The following SLC26A7 variants were observed in gnomAD, a reference collection of about 807,000 sequenced individuals.
SLC26A7 encodes anion exchange transporter.
A neutral mutation model predicts 82.5 loss-of-function variants in SLC26A7; 59 were observed. The observed-to-expected ratio is 0.72, with a 90% CI of 0.58 to 0.89. The LOEUF (loss-of-function observed/expected upper bound fraction) is 0.89, where lower values mean the gene tolerates loss of function less well. SLC26A7 is among the 40% of genes least tolerant of loss of function. The probability of loss-of-function intolerance (pLI) is 0.00; values close to 1 mark genes in which losing one functional copy is unlikely to be tolerated. For missense variants in SLC26A7, 820 were observed against 793.0 expected (o/e 1.03, Z -0.41); for synonymous variants, 271 against 274.3 (o/e 0.99, Z 0.12).
chr8:91,370,580 G>A (rs370468357), intron 15 of SLC26A7, among the ~76,000 whole-genome samples: 4 of 151,936 alleles, frequency 2.6e-5, no homozygotes, highest in Admixed American at 6.6e-5. Flanking sequence ...TTTTGATGGC[G>A]GATGCTTGTT....
intron 14 of SLC26A7, among the ~76,000 whole-genome samples, chr8:91,369,454 A>G (rs1007406219): frequency 6.6e-5 from 10 of 152,104 alleles, no homozygotes; most frequent in African/African-American, 2.4e-4. Flanking sequence ...ATGTTAATAA[A>G]GATGATTTCT....
At chr8:91,306,418 C>T (rs181081045) in intron 4 of SLC26A7, among the ~76,000 whole-genome samples, 3 of 152,244 alleles carry the variant, frequency 2.0e-5, no homozygotes, top group East Asian at 1.9e-4. Context: ...ATGCAGGATT[C>T]GGGAACTCTT....
At chr8:91,216,616 G>T (rs1810052624) in intron 1 of SLC26A7, among the ~76,000 whole-genome samples, 1 of 151,988 alleles carries the variant, frequency 6.6e-6, no homozygotes, top group African/African-American at 2.4e-5. Flanking sequence ...TAACTGGTTG[G>T]GTGAGACGGT....
chr8:91,314,079 C>T lies in SLC26A7; in HGVS notation c.478-4137C>T, dbSNP rs554954950. Among the ~76,000 whole-genome samples the T allele has an allele frequency of 2.0e-5, 3 of 152,252 alleles. No individual in the cohort carries two copies. In the South Asian group the frequency reaches 6.2e-4, roughly 32 times the overall value. ...TTTCAGTATTAGCCCAGAACATCAG[C>T]ATTACTACAAACAGCTGAACTATAT... On this transcript the variant is annotated intron_variant, in intron 4 of 18. Coordinates refer to ENST00000276609, the MANE Select transcript of SLC26A7 (RefSeq NM_052832.4).
intron 2 of SLC26A7, among the ~76,000 whole-genome samples, chr8:91,256,656 A>G (rs1402860357): frequency 1.3e-5 from 2 of 152,150 alleles, no homozygotes; most frequent in Admixed American, 1.3e-4. Context: ...GACAACTACT[A>G]TAGCCCTGAC....
chr8:91,234,190 C>A (rs1189977044), intron 2 of SLC26A7, among the ~76,000 whole-genome samples: 1 of 152,060 alleles, frequency 6.6e-6, no homozygotes, highest in Non-Finnish European at 1.5e-5. Context: ...TACCATCTTT[C>A]TGTGTGTTAA....
chr8:91,283,479 G>A (rs907023895), intron 2 of SLC26A7, among the ~76,000 whole-genome samples: 2 of 152,096 alleles, frequency 1.3e-5, no homozygotes, highest in Non-Finnish European at 2.9e-5. Context: ...TACTCATCAG[G>A]ACCTTAACTG....
intron 14 of SLC26A7, among the ~76,000 whole-genome samples, chr8:91,367,599 T>A (rs1814233460): frequency 6.6e-6 from 1 of 152,210 alleles, no homozygotes; most frequent in Non-Finnish European, 1.5e-5. Flanking sequence ...TGCCACTTAC[T>A]AGCTGTGGAA....
At chr8:91,383,476 A>AG in intron 15 of SLC26A7, among the ~76,000 whole-genome samples, 1 of 152,288 alleles carries the variant, frequency 6.6e-6, no homozygotes, top group East Asian at 1.9e-4. Flanking sequence ...ATGGGCAAGA[A>AG]GGAAGAGATT....
chr8:91,279,772 G>C lies in SLC26A7; in HGVS notation c.194-9364G>C, dbSNP rs1391652547. 3.3e-5 allele frequency among the ~76,000 whole-genome samples: 5 copies of C among 152,100 alleles called. No homozygotes were observed. In the East Asian group the frequency reaches 9.7e-4, roughly 29 times the overall value. On this transcript the variant is annotated intron_variant, in intron 2 of 18. Coordinates refer to ENST00000276609, the MANE Select transcript of SLC26A7 (RefSeq NM_052832.4). ...GACGGGGTTTCACTGTGTTAGCCAG[G>C]ATGGTCTCGATCTCCTGACCTCGTG...
chr8:91,332,440 TAA>T (rs1554610087), intron 5 of SLC26A7, among the ~76,000 whole-genome samples: 3 of 140,892 alleles, frequency 2.1e-5, no homozygotes, highest in Non-Finnish European at 4.6e-5. Context: ...TATATTTAAT[TAA>T]TATATATTGA....
chr8:91,211,616 A>ATATTT (rs1554597817), intron 1 of SLC26A7, among the ~76,000 whole-genome samples: 1 of 137,530 alleles, frequency 7.3e-6, no homozygotes, highest in African/African-American at 2.9e-5. Context: ...ATATATATAT[A>ATATTT]TTTTTTTTTT....
chr8:91,395,215 G>A lies in SLC26A7; in HGVS notation c.*118G>A, dbSNP rs1354461203. The stretch of plus-strand genomic sequence containing the variant: ...CTACAGATGACCTCTGCTACAATAA[G>A]TACGATGTGACTTAGTAACTGCATA... On this transcript the variant is annotated 3_prime_UTR_variant, in exon 19 of 19. Coordinates refer to ENST00000276609, the MANE Select transcript of SLC26A7 (RefSeq NM_052832.4). The A allele has an allele frequency of 1.3e-6, 2 of 1,530,808 alleles. No individual in the cohort carries two copies. Among genetic ancestry groups the A allele is most frequent in the Admixed American group, 4.4e-5 (2 of 45,966 alleles). 94.8% of individuals were successfully genotyped at this position (1,530,808 alleles called of 1,614,324 possible).
chr8:91,373,470 A>C (rs563653395), intron 15 of SLC26A7, among the ~76,000 whole-genome samples: 1 of 152,114 alleles, frequency 6.6e-6, no homozygotes, highest in South Asian at 2.1e-4. Context: ...TTCTGAATTT[A>C]TTAAGATAAT....
At chr8:91,214,737 CATG>C (rs1810007240) in intron 1 of SLC26A7, among the ~76,000 whole-genome samples, 1 of 152,028 alleles carries the variant, frequency 6.6e-6, no homozygotes, top group Non-Finnish European at 1.5e-5. Context: ...TAATTTGGAA[CATG>C]ATAACAGTAT....
intron 2 of SLC26A7, 30 bp from the exon 3 acceptor site, chr8:91,289,106 T>A (rs762100649): frequency 1.8e-5 from 26 of 1,408,318 alleles, no homozygotes; most frequent in Non-Finnish European, 2.5e-5. Context: ...GGTTATAAGG[T>A]GGTTTTAATT....
At chr8:91,393,902 C>T in intron 17 of SLC26A7, 34 bp from the exon 18 acceptor site, 2 of 1,612,282 alleles carry the variant, frequency 1.2e-6, no homozygotes, top group Non-Finnish European at 1.7e-6. Flanking sequence ...TGCACTTCCA[C>T]ATGTATTCTT....
intron 6 of SLC26A7, among the ~76,000 whole-genome samples, chr8:91,335,216 C>A (rs558107762): frequency 1.3e-5 from 2 of 152,096 alleles, no homozygotes; most frequent in South Asian, 4.1e-4. Flanking sequence ...TAAAATATTC[C>A]TTCTAATTGT....
chr8:91,224,611 G>A (rs1810208883), intron 2 of SLC26A7, among the ~76,000 whole-genome samples: 1 of 152,316 alleles, frequency 6.6e-6, no homozygotes, highest in South Asian at 2.1e-4. Flanking sequence ...GATGCCAGTA[G>A]GATTGCTCCT....
Sources: gnomAD v4.1 joint callset for allele counts (sites outside exome capture counted in the v4.1 genomes callset) on GRCh38, gnomAD v4.1.1 for gene constraint, MANE v1.5 for transcripts, NCBI Gene and HGNC (gene_info 2026-07-23, HGNC 2026-07-21) for gene names.